Variants in PDK3 observed in about 807,000 individuals in gnomAD.
The protein encoded by PDK3 is pyruvate dehydrogenase kinase 3, also known as pyruvate dehydrogenase kinase, isozyme 3.
A neutral mutation model predicts 32.0 loss-of-function variants in PDK3; 12 were observed. That is an observed-to-expected ratio of 0.37 (90% CI 0.24 to 0.61). PDK3 has a LOEUF of 0.61. Ranked by LOEUF, PDK3 falls within the 20% of genes least tolerant of loss-of-function variation. The probability of loss-of-function intolerance (pLI) is 0.65; values close to 1 mark genes in which losing one functional copy is unlikely to be tolerated. For synonymous variants in PDK3, 122 were observed against 116.3 expected (o/e 1.05, Z -0.31); for missense variants, 188 against 316.9 (o/e 0.59, Z 3.09).
intron 2 of PDK3, among the ~76,000 whole-genome samples, chrX:24,498,466 G>A (rs761405521): frequency 5.3e-5 from 6 of 112,169 alleles, no homozygotes; most frequent in Non-Finnish European, 9.4e-5. Flanking sequence ...TGATTTCTCT[G>A]CCAAAGTCCT....
At chrX:24,467,496 G>A (rs985314385) in intron 1 of PDK3, among the ~76,000 whole-genome samples, 4 of 112,321 alleles carry the variant, frequency 3.6e-5, no homozygotes, top group East Asian at 2.8e-4. Flanking sequence ...ATAAGGAAGC[G>A]CACAGAAGTG....
intron 1 of PDK3, among the ~76,000 whole-genome samples, chrX:24,471,363 G>A (rs1479918107): frequency 8.9e-6 from 1 of 111,969 alleles, no homozygotes; most frequent in Non-Finnish European, 1.9e-5. Flanking sequence ...ATGAAGAGTT[G>A]TTTGGAGGAG....
intron 1 of PDK3, among the ~76,000 whole-genome samples, chrX:24,492,513 T>TG (rs1236621838): frequency 9.1e-6 from 1 of 110,000 alleles, no homozygotes; most frequent in South Asian, 3.9e-4. Flanking sequence ...CGCTTGAACC[T>TG]GGGGGGTGGA....
rs182901705 is a variant in PDK3 at position 24,527,503 on chromosome X, G to A, written c.751-71G>A. 97 of 634,371 alleles carry A rather than the reference G, an allele frequency of 1.5e-4. 1 individual carries two copies. The South Asian group carries it at 1.9e-3, about 12-fold the overall frequency. The allele number at this position is 634,371 out of a possible 1,213,427, so 52.3% of individuals were successfully genotyped here. A position where few individuals can be genotyped will look rare whatever the true frequency, so the allele number is the denominator to read the frequency against. ...GGTTGTTGGGTATAAGTCATCTTGC[G>A]CTTCTTTCTCTTTAAAAATTGTGGT... On this transcript the variant is annotated intron_variant, in intron 7 of 10. Coordinates refer to ENST00000379162, the MANE Select transcript of PDK3 (RefSeq NM_005391.5).
chrX:24,527,795 T>C, intron 8 of PDK3, 120 bp downstream of exon 8: 1 of 501,407 alleles, frequency 2.0e-6, no homozygotes, highest in East Asian at 3.7e-5. Flanking sequence ...GTAAGTTCTA[T>C]GCTAGATCCT....
At chrX:24,500,746 C>T (rs1180734779) in intron 3 of PDK3, among the ~76,000 whole-genome samples, 2 of 111,524 alleles carry the variant, frequency 1.8e-5, no homozygotes, top group Non-Finnish European at 3.8e-5. Context: ...TATGGGATCA[C>T]CAGCAGGGAA....
At position 24,526,218 on chromosome X, in the gene PDK3, A is replaced by T; in HGVS notation, c.694A>T (p.Ile232Phe). 8.3e-7 allele frequency: 1 copy of T among 1,207,406 alleles called. No homozygotes were observed. ...TTCAGCCAAAGCGCCAGACAAACCT[A>T]TTCAGGTGGTTTATGTGCCCTCACA... is the stretch of plus-strand genomic sequence containing the variant. ...EFNAKAPDKP[I>F]QVVYVPSHLF... The change falls in exon 7 of 11, where the codon ATT becomes TTT. Residue 232 changes from isoleucine to phenylalanine, a missense_variant. Ile to Phe is a conservative substitution (Grantham distance 21). Transcript: ENST00000379162.
intron 1 of PDK3, among the ~76,000 whole-genome samples, chrX:24,482,737 G>C (rs1921295063): frequency 8.9e-6 from 1 of 112,145 alleles, no homozygotes; most frequent in African/African-American, 3.2e-5. Context: ...ACCACTACTT[G>C]TTAGTCTGCA....
intron 1 of PDK3, among the ~76,000 whole-genome samples, chrX:24,475,365 G>T (rs1257499150): frequency 9.0e-6 from 1 of 111,141 alleles, no homozygotes; most frequent in Non-Finnish European, 1.9e-5. Context: ...TAAATTTAAA[G>T]AAAGAATTGG....
intron 1 of PDK3, among the ~76,000 whole-genome samples, chrX:24,482,514 T>A (rs771099432): frequency 8.9e-6 from 1 of 112,252 alleles, no homozygotes; most frequent in East Asian, 2.8e-4. Context: ...AAACCTACGC[T>A]CTTTTCAGTT....
At chrX:24,507,894 C>T (rs1157570136) in intron 5 of PDK3, among the ~76,000 whole-genome samples, 1 of 111,199 alleles carries the variant, frequency 9.0e-6, no homozygotes, top group Non-Finnish European at 1.9e-5. Flanking sequence ...CAAAATTATA[C>T]ACAGGGAGGG....
chrX:24,480,839 C>A (rs1015322021), intron 1 of PDK3, among the ~76,000 whole-genome samples: 1 of 111,566 alleles, frequency 9.0e-6, no homozygotes, highest in Non-Finnish European at 1.9e-5. Flanking sequence ...TTTACGTATG[C>A]TAGTCAGAAG....
chrX:24,498,851 C>T lies in PDK3; in HGVS notation c.271C>T (p.Leu91Phe). The T allele has an allele frequency of 8.9e-7, 1 of 1,127,356 alleles. No individual in the cohort carries two copies. Among genetic ancestry groups the T allele is most frequent in the Non-Finnish European group, 1.2e-6 (1 of 837,119 alleles). 92.9% of individuals were successfully genotyped at this position (1,127,356 alleles called of 1,213,427 possible). ...QSWYMQSFLE[L>F]LEYENKSPED... ...TAGGTATATGCAGAGTTTTCTTGAA[C>T]TTTTAGAATATGAAAATAAGAGCCC... The change falls in exon 3 of 11, where the codon CTT (leucine) becomes TTT (phenylalanine). Residue 91 changes from leucine to phenylalanine, a missense_variant. Physicochemically the swap from Leu to Phe is conservative, Grantham distance 22. Transcript: ENST00000379162.
intron 1 of PDK3, among the ~76,000 whole-genome samples, chrX:24,489,418 C>T (rs1052673239): frequency 9.0e-6 from 1 of 111,564 alleles, no homozygotes; most frequent in African/African-American, 3.3e-5. Flanking sequence ...AGTGTGGTGG[C>T]TCATGCCTGT....
intron 1 of PDK3, among the ~76,000 whole-genome samples, chrX:24,491,363 C>G (rs1353961721): frequency 9.1e-6 from 1 of 110,357 alleles, no homozygotes; most frequent in African/African-American, 3.3e-5. Flanking sequence ...AGAGGGACCA[C>G]TACAGTGGGA....
At chrX:24,469,222 C>T (rs1036319037) in intron 1 of PDK3, among the ~76,000 whole-genome samples, 5 of 111,625 alleles carry the variant, frequency 4.5e-5, no homozygotes, top group Non-Finnish European at 7.5e-5. Flanking sequence ...CATGCATGTC[C>T]GCGTGTATCT....
chrX:24,489,374 C>A (rs755670276), intron 1 of PDK3, among the ~76,000 whole-genome samples: 3 of 111,840 alleles, frequency 2.7e-5, no homozygotes, highest in African/African-American at 9.7e-5. Flanking sequence ...AATTTTCCAA[C>A]TACTCTTTTT....
chrX:24,531,869 A>G lies in PDK3; in HGVS notation c.1077+99A>G, dbSNP rs1359869552. 2.3e-5 allele frequency: 10 copies of G among 429,142 alleles called. No homozygotes were observed. The South Asian group carries it at 4.2e-4, about 18-fold the overall frequency. 35.4% of individuals were successfully genotyped at this position (429,142 alleles called of 1,213,427 possible). A position where few individuals can be genotyped will look rare whatever the true frequency, so the allele number is the denominator to read the frequency against. On this transcript the variant is annotated intron_variant, in intron 10 of 10. Coordinates refer to ENST00000379162, the MANE Select transcript of PDK3 (RefSeq NM_005391.5). ...CAGCACTGTATCATCTCTTAGATTC[A>G]TCTCAGATTTACTTCATTTTCCCAT...
downstream of PDK3, chrX:24,539,087 T>A: frequency 2.5e-6 from 2 of 812,419 alleles, no homozygotes; most frequent in Non-Finnish European, 3.6e-6. Context: ...ACAGAGGAGG[T>A]TGTACTCACA....
Sources: gnomAD v4.1 joint callset for allele counts (sites outside exome capture counted in the v4.1 genomes callset) on GRCh38, gnomAD v4.1.1 for gene constraint, MANE v1.5 for transcripts, NCBI Gene and HGNC (gene_info 2026-07-23, HGNC 2026-07-21) for gene names.